Variants in HAO1 observed in about 807,000 individuals in gnomAD.
HAO1 encodes the protein hydroxyacid oxidase 1.
A neutral mutation model predicts 39.7 loss-of-function variants in HAO1; 34 were observed. The observed-to-expected ratio is 0.86, with a 90% CI of 0.65 to 1.14. HAO1 has a LOEUF of 1.14. HAO1 is among the 50% of genes most tolerant of loss of function. The pLI is 0.00. For synonymous variants in HAO1, 172 were observed against 173.2 expected (o/e 0.99, Z 0.05); for missense variants, 479 against 464.5 (o/e 1.03, Z -0.29).
At chr20:7,923,007 A>T (rs1280437513) in intron 2 of HAO1, among the ~76,000 whole-genome samples, 1 of 152,134 alleles carries the variant, frequency 6.6e-6, no homozygotes, top group African/African-American at 2.4e-5. Context: ...GTTAAATCAC[A>T]TGTCCTAGGG....
At chr20:7,908,575 T>C (rs888609310) in intron 3 of HAO1, among the ~76,000 whole-genome samples, 3 of 152,248 alleles carry the variant, frequency 2.0e-5, no homozygotes, top group African/African-American at 4.8e-5. Context: ...GATATGAACA[T>C]TCCTATCCCA....
chr20:7,937,021 C>A (rs1338503596), intron 1 of HAO1, among the ~76,000 whole-genome samples: 1 of 152,010 alleles, frequency 6.6e-6, no homozygotes, highest in Non-Finnish European at 1.5e-5. Context: ...GTTCAACTGG[C>A]AAACAGTTGA....
chr20:7,925,412 A>G (rs964373052), intron 2 of HAO1, among the ~76,000 whole-genome samples: 7 of 152,040 alleles, frequency 4.6e-5, no homozygotes, highest in African/African-American at 1.7e-4. Flanking sequence ...TTATGAAAAT[A>G]TTTTCAAGGA....
intron 2 of HAO1, among the ~76,000 whole-genome samples, chr20:7,933,412 G>A (rs1179539505): frequency 6.6e-6 from 1 of 151,970 alleles, no homozygotes; most frequent in Non-Finnish European, 1.5e-5. Context: ...TCTTGATTTT[G>A]TATAGATATT....
intron 2 of HAO1, among the ~76,000 whole-genome samples, chr20:7,924,223 G>GTTGTTGTTGTTGT (rs141089245): frequency 6.7e-5 from 10 of 149,960 alleles, no homozygotes; most frequent in South Asian, 4.2e-4. Flanking sequence ...TGTTGTTGTT[G>GTTGTTGTTGTTGT]TTGTTTGTTT....
chr20:7,915,025 C>A (rs573214488), intron 2 of HAO1, among the ~76,000 whole-genome samples: 7 of 152,124 alleles, frequency 4.6e-5, no homozygotes, highest in Non-Finnish European at 7.4e-5. Context: ...GAGGCTGAGG[C>A]AGGAGAATCG....
At chr20:7,935,114 C>A (rs1007017968) in intron 1 of HAO1, among the ~76,000 whole-genome samples, 3 of 152,124 alleles carry the variant, frequency 2.0e-5, no homozygotes, top group African/African-American at 7.2e-5. Flanking sequence ...CAGTATGTAG[C>A]CTTTTGAGTT....
At chr20:7,907,032 T>C (rs2423324) in intron 3 of HAO1, among the ~76,000 whole-genome samples, 86,642 of 152,086 alleles carry the variant, frequency 0.57, 28,791 homozygotes, top group East Asian at 0.99. Flanking sequence ...GGTGTTAACA[T>C]GACTGTCTGT....
At chr20:7,920,739 G>C (rs1042399227) in intron 2 of HAO1, among the ~76,000 whole-genome samples, 1 of 152,028 alleles carries the variant, frequency 6.6e-6, no homozygotes, top group Non-Finnish European at 1.5e-5. Flanking sequence ...GTATTCCTTT[G>C]TGTACATACA....
chr20:7,889,309 T>C (rs1021669178), intron 5 of HAO1, among the ~76,000 whole-genome samples: 4 of 152,142 alleles, frequency 2.6e-5, no homozygotes, highest in Non-Finnish European at 4.4e-5. Flanking sequence ...TGAAAGAAAG[T>C]CATTATTTCT....
intron 4 of HAO1, among the ~76,000 whole-genome samples, chr20:7,903,998 G>C (rs542520035): frequency 5.9e-5 from 9 of 152,102 alleles, no homozygotes; most frequent in African/African-American, 2.2e-4. Flanking sequence ...CAATTGATTT[G>C]CACATATCTT....
intron 5 of HAO1, among the ~76,000 whole-genome samples, chr20:7,893,646 G>A (rs1156486937): frequency 6.6e-6 from 1 of 152,120 alleles, no homozygotes; most frequent in Non-Finnish European, 1.5e-5. Flanking sequence ...CTGACTCAGA[G>A]CAAGAGGACA....
At chr20:7,934,891 T>C (rs118073784) in intron 1 of HAO1, among the ~76,000 whole-genome samples, 1 of 152,340 alleles carries the variant, frequency 6.6e-6, no homozygotes, top group East Asian at 1.9e-4. Context: ...TCACTCATTT[T>C]AGTCTGCAGT....
At chr20:7,897,648 C>G (rs1345137046) in intron 4 of HAO1, among the ~76,000 whole-genome samples, 1 of 151,950 alleles carries the variant, frequency 6.6e-6, no homozygotes, top group African/African-American at 2.4e-5. Flanking sequence ...TCTTTATGCT[C>G]TAATTTTCTT....
chr20:7,905,119 C>A (rs1391615983), intron 4 of HAO1, among the ~76,000 whole-genome samples: 1 of 152,166 alleles, frequency 6.6e-6, no homozygotes, highest in Non-Finnish European at 1.5e-5. Flanking sequence ...ATTGAAACAT[C>A]ACTATATGCT....
chr20:7,934,409 G>T, intron 2 of HAO1, 75 bp downstream of exon 2: 1 of 1,076,988 alleles, frequency 9.3e-7, no homozygotes, highest in Non-Finnish European at 1.3e-6. Context: ...GAACATATTT[G>T]CTTGGTGCAT....
At chr20:7,897,269 T>C (rs2050201838) in intron 4 of HAO1, among the ~76,000 whole-genome samples, 1 of 152,210 alleles carries the variant, frequency 6.6e-6, no homozygotes, top group African/African-American at 2.4e-5. Context: ...TGAAATTTCA[T>C]AAGGAACGTG....
intron 2 of HAO1, among the ~76,000 whole-genome samples, chr20:7,925,103 C>A (rs911221468): frequency 2.0e-5 from 3 of 152,148 alleles, no homozygotes; most frequent in African/African-American, 7.2e-5. Context: ...TAGACGCAGT[C>A]AACATTGTTT....
intron 2 of HAO1, among the ~76,000 whole-genome samples, chr20:7,919,180 G>T (rs1468361115): frequency 6.6e-6 from 1 of 152,124 alleles, no homozygotes; most frequent in Non-Finnish European, 1.5e-5. Flanking sequence ...GTAATAGACG[G>T]TATATCCTAA....
Sources: gnomAD v4.1 joint callset for allele counts (sites outside exome capture counted in the v4.1 genomes callset) on GRCh38, gnomAD v4.1.1 for gene constraint, MANE v1.5 for transcripts, NCBI Gene and HGNC (gene_info 2026-07-23, HGNC 2026-07-21) for gene names.